CILP: variants seen among roughly 807,000 people sequenced by gnomAD.
The protein encoded by CILP is cartilage intermediate layer protein.
CILP carries 75 observed loss-of-function variants against 82.5 expected under a neutral mutation model. That is an observed-to-expected ratio of 0.91 (90% CI 0.75 to 1.10). The LOEUF (loss-of-function observed/expected upper bound fraction) is 1.10. Among genes scored for constraint, CILP ranks in the 50% least tolerant of loss-of-function variants. The probability of loss-of-function intolerance (pLI) is 0.00; values close to 1 mark genes in which losing one functional copy is unlikely to be tolerated. For missense variants in CILP, 1,479 were observed against 1,530.8 expected (o/e 0.97, Z 0.56); for synonymous variants, 530 against 580.3 (o/e 0.91, Z 1.25).
At position 65,196,383 on chromosome 15, in the gene CILP, A is replaced by G; in HGVS notation, c.*348T>C. On this transcript the variant is annotated 3_prime_UTR_variant, in exon 9 of 9. Coordinates refer to ENST00000261883, the MANE Select transcript of CILP (RefSeq NM_003613.4). ...TTATATTGGTTATTTGATCTTCAGCATCAGATTATCACTATTGCAGAGGTG... is the reference window on the plus strand; with the variant it reads ...TTATATTGGTTATTTGATCTTCAGCGTCAGATTATCACTATTGCAGAGGTG... 4.9e-6 allele frequency: 1 copy of G among 205,080 alleles called. No individual in the cohort carries two copies. The highest frequency in any genetic ancestry group is 9.7e-6 in the Non-Finnish European group (1 of 103,370). The allele number at this position is 205,080 out of a possible 1,614,324, so 12.7% of individuals were successfully genotyped here. A position where few individuals can be genotyped will look rare whatever the true frequency, so the allele number is the denominator to read the frequency against.
At position 65,209,782 on chromosome 15, in the gene CILP, G is replaced by C. The variant is rs202184018; in HGVS notation, c.-27C>G. The C allele has an allele frequency of 1.9e-6, 3 of 1,612,230 alleles. No individual in the cohort carries two copies. Among genetic ancestry groups the C allele is most frequent in the East Asian group, 4.5e-5 (2 of 44,856 alleles). On this transcript the variant is annotated 5_prime_UTR_variant, in exon 2 of 9. Transcript: ENST00000261883. ...TTTCCCCCAAGCCCGTGGGAACGTGGCAAGAGGTAGATGTGGGTGCTTCAC... is the reference window on the plus strand; with the variant it reads ...TTTCCCCCAAGCCCGTGGGAACGTGCCAAGAGGTAGATGTGGGTGCTTCAC...
intron 2 of CILP, among the ~76,000 whole-genome samples, chr15:65,208,693 G>A (rs899039641): frequency 5.3e-5 from 8 of 152,192 alleles, no homozygotes; most frequent in African/African-American, 1.9e-4. Flanking sequence ...CTGGGTTGGG[G>A]TCTCCAGAAT....
rs1333093143 is a variant in CILP, at chr15:65,209,727, G to A, written c.29C>T (p.Ser10Phe). 3 of 1,614,036 alleles carry A rather than the reference G, an allele frequency of 1.9e-6. No homozygotes were observed. The highest frequency in any genetic ancestry group is 2.5e-6 in the Non-Finnish European group (3 of 1,179,978). Reference sequence around the variant, plus strand: ...AGATGTGACTTCCAGGACCAGGAAGGAGAACACCCAGGCCTTGGTCCCCAC... The same window carrying A: ...AGATGTGACTTCCAGGACCAGGAAGAAGAACACCCAGGCCTTGGTCCCCAC... MVGTKAWVF[S>F]FLVLEVTSVL... Residue 10 changes from serine to phenylalanine, a missense_variant, in exon 2 of 9, where the codon TCC (serine) becomes TTC (phenylalanine). Ser to Phe is a radical substitution (Grantham distance 155, BLOSUM62 -2). Transcript: ENST00000261883.
At chr15:65,204,773 C>A (rs561639023) in intron 5 of CILP, among the ~76,000 whole-genome samples, 191 bp from the exon 6 acceptor site, 44 of 152,324 alleles carry the variant, frequency 2.9e-4, no homozygotes, top group African/African-American at 1.1e-3. Context: ...AATCCCAGGA[C>A]TTTGGGAGGC....
Position 65,201,992 on chromosome 15 carries a change from T to C in CILP, c.1066A>G (p.Lys356Glu). 3 of 1,601,346 alleles carry C rather than the reference T, an allele frequency of 1.9e-6. No individual in the cohort carries two copies. Among genetic ancestry groups the C allele is most frequent in the Non-Finnish European group, 2.6e-6 (3 of 1,174,602 alleles). The change falls in exon 8 of 9, where the codon AAG becomes GAG. Residue 356 changes from lysine (K) to glutamate (E), a missense_variant. Lys to Glu is a moderately conservative substitution (Grantham distance 56). Coordinates refer to ENST00000261883, the MANE Select transcript of CILP (RefSeq NM_003613.4). ...NDTLLDPSLYKHESKLVLRKL... is the reference protein window; with the variant it reads ...NDTLLDPSLYEHESKLVLRKL... The stretch of plus-strand genomic sequence containing the variant: ...CTCAGCACCAGCTTGCTCTCATGCT[T>C]GTAGAGGGAAGGATCCAGCAATGTG...
At position 65,196,964 on chromosome 15, in the gene CILP, T is replaced by C. The variant is rs1253856578; in HGVS notation, c.3322A>G (p.Lys1108Glu). Residue 1108 changes from lysine to glutamate, a missense_variant, in exon 9 of 9, where the codon AAG becomes GAG. Coordinates refer to ENST00000261883, the MANE Select transcript of CILP (RefSeq NM_003613.4). ...GTGAGGGCTACTCCCACATTGCTCT[T>C]CATGATTCTGGAGGAGCCATCGGAT... ...GTSDGSSRIM[K>E]SNVGVALTFN... 6.2e-7 allele frequency: 1 copy of C among 1,614,034 alleles called. No individual in the cohort carries two copies. Among genetic ancestry groups the C allele is most frequent in the South Asian group, 1.1e-5 (1 of 91,050 alleles).
Position 65,197,509 on chromosome 15 carries a change from G to C in CILP, c.2777C>G (p.Thr926Arg). Residue 926 changes from threonine to arginine, a missense_variant, in exon 9 of 9, where the codon ACA (threonine) becomes AGA (arginine). Physicochemically the swap from Thr to Arg is moderately conservative, Grantham distance 71. Transcript: ENST00000261883. ...AGGGTCATCTTCGTTGAAGGGGACT[G>C]TGTTGTAGTCATATCGATCCCCCTC... ...QIEGDRYDYN[T>R]VPFNEDDPMS... 1 of 1,614,244 alleles carries C rather than the reference G, an allele frequency of 6.2e-7. No homozygotes were observed. Among genetic ancestry groups the C allele is most frequent in the South Asian group, 1.1e-5 (1 of 91,082 alleles).
At chr15:65,207,582 C>A (rs2088532123) in intron 3 of CILP, 90 bp downstream of exon 3, 2 of 1,173,632 alleles carry the variant, frequency 1.7e-6, no homozygotes, top group Non-Finnish European at 1.3e-6. Context: ...TCCATGGGAC[C>A]CTGACATCAT....
In CILP at chr15:65,204,563, T is replaced by C; in HGVS notation, c.624A>G (p.Pro208=). 1 of 1,607,448 alleles carries C rather than the reference T, an allele frequency of 6.2e-7. No individual in the cohort carries two copies. The highest frequency in any genetic ancestry group is 8.5e-7 in the Non-Finnish European group (1 of 1,178,414). ...CACAGTCAGCATTCACCTGGCCCAT[T>C]GGGCAGGTCAGGTCACAGGCTGTGG... ...QDCTACDLTC[P]MGQVNADCDA... The change falls in exon 6 of 9, where the codon CCA becomes CCG. Residue 208 remains proline (P), a synonymous_variant. Coordinates refer to ENST00000261883, the MANE Select transcript of CILP (RefSeq NM_003613.4).
chr15:65,205,445 T>C lies in CILP; in HGVS notation c.446A>G (p.Glu149Gly). Residue 149 changes from glutamate to glycine, a missense_variant, in exon 5 of 9, where the codon GAG (glutamate) becomes GGG (glycine). Glu to Gly is a moderately conservative substitution (Grantham distance 98, BLOSUM62 -2). Transcript: ENST00000261883. ...GGGAGACCATGGGCTCCAGATGCGC[T>C]CTGTGTCTCGGCGCAGGGATCCTGC... is the stretch of plus-strand genomic sequence containing the variant. ...CPPGSLRRDT[E>G]RIWSPWSPWS... 1 of 1,610,860 alleles carries C rather than the reference T, an allele frequency of 6.2e-7. No individual in the cohort carries two copies. Among genetic ancestry groups the C allele is most frequent in the Non-Finnish European group, 8.5e-7 (1 of 1,177,438 alleles).
intron 2 of CILP, among the ~76,000 whole-genome samples, chr15:65,208,631 TGGGTACA>T (rs2088547177): frequency 6.6e-6 from 1 of 152,254 alleles, no homozygotes; most frequent in East Asian, 1.9e-4. Flanking sequence ...TGCCTGAGGA[TGGGTACA>T]GGGTCCTCGG....
chr15:65,194,903 G>A lies in CILP; in HGVS notation c.*1828C>T, dbSNP rs2140667452. 7.9e-6 allele frequency: 1 copy of A among 127,244 alleles called. No individual in the cohort carries two copies. The highest frequency in any genetic ancestry group is 2.3e-4 in the East Asian group (1 of 4,402). The allele number at this position is 127,244 out of a possible 1,614,324, so 7.9% of individuals were successfully genotyped here. A position where few individuals can be genotyped will look rare whatever the true frequency, so the allele number is the denominator to read the frequency against. The stretch of plus-strand genomic sequence containing the variant: ...TCCCCCCGTGAGTTTGAAGTGAACT[G>A]GTGGTCAGGTTGAAGCAGCAGGCAC... On this transcript the variant is annotated 3_prime_UTR_variant, in exon 9 of 9. Transcript: ENST00000261883.
In CILP at chr15:65,201,927, C is replaced by T; in HGVS notation, c.1131G>A (p.Lys377=). 6.2e-7 allele frequency: 1 copy of T among 1,609,500 alleles called. No individual in the cohort carries two copies. Among genetic ancestry groups the T allele is most frequent in the Admixed American group, 1.7e-5 (1 of 59,406 alleles). ...TCACAGCCCCAGCATCACTCTGGGC[C>T]TTGCAAAAGTACTCCCCAGCCTGGT... is the stretch of plus-strand genomic sequence containing the variant. ...QQHQAGEYFC[K]AQSDAGAVKS... Residue 377 remains lysine, a synonymous_variant, in exon 8 of 9, where the codon AAG becomes AAA. Transcript: ENST00000261883.
Position 65,197,898 on chromosome 15 carries a change from A to T in CILP, c.2388T>A (p.Phe796Leu). ...CGTTGGGGCCTGTGATGACACTGTCAAAGCGGCCCCAGGCCCTAGGGTTGG... is the reference window on the plus strand; with the variant it reads ...CGTTGGGGCCTGTGATGACACTGTCTAAGCGGCCCCAGGCCCTAGGGTTGG... ...FLSNPRAWGR[F>L]DSVITGPNGA... is the part of the protein sequence containing the mutation. The change falls in exon 9 of 9, where the codon TTT (phenylalanine) becomes TTA (leucine). Residue 796 changes from phenylalanine (F) to leucine (L), a missense_variant. Physicochemically the swap from Phe to Leu is conservative, Grantham distance 22 (BLOSUM62 0). Transcript: ENST00000261883. The T allele has an allele frequency of 6.2e-7, 1 of 1,614,042 alleles. No homozygotes were observed. Among genetic ancestry groups the T allele is most frequent in the South Asian group, 1.1e-5 (1 of 91,058 alleles).
chr15:65,198,439 TA>T lies in CILP; in HGVS notation c.1846del (p.Tyr616ThrfsTer2). 6.2e-7 allele frequency: 1 copy of T among 1,614,272 alleles called. No individual in the cohort carries two copies. The highest frequency in any genetic ancestry group is 8.5e-7 in the Non-Finnish European group (1 of 1,180,038). ...RSFYRQNGEP[Y>X]IGKVKASVTF... ...CACACTGGCCTTCACTTTTCCTATG[TA>T]GGGCTCCCCATTCTGCCTGTAGAAA... On this transcript the variant is annotated frameshift_variant, in exon 9 of 9. Coordinates refer to ENST00000261883, the MANE Select transcript of CILP (RefSeq NM_003613.4). LOFTEE classifies it high-confidence loss of function.
At chr15:65,207,270 T>C (rs2088528319) in intron 3 of CILP, among the ~76,000 whole-genome samples, 1 of 152,144 alleles carries the variant, frequency 6.6e-6, no homozygotes, top group Non-Finnish European at 1.5e-5. Context: ...AGGCTCCTCC[T>C]CAATGCCACT....
chr15:65,207,072 GCGGAGGAGC>G, intron 3 of CILP, 21 bp from the exon 4 acceptor site: 1 of 1,601,342 alleles, frequency 6.2e-7, no homozygotes, highest in South Asian at 1.1e-5. Context: ...TAGCCAAATT[GCGGAGGAGC>G]CGTGATCCTG....
chr15:65,200,452 G>GTGTTT lies in CILP; in HGVS notation c.1187-1354_1187-1353insAAACA, dbSNP rs1406995538. On this transcript the variant is annotated intron_variant, in intron 8 of 8. Coordinates refer to ENST00000261883, the MANE Select transcript of CILP (RefSeq NM_003613.4). Reference sequence around the variant, plus strand: ...CTTCCAATACATTCTGTCCTTCTCTGCGTTTTGTTTTGTTTAGGCCAATTA... The same window carrying GTGTTT: ...CTTCCAATACATTCTGTCCTTCTCTGTGTTTCGTTTTGTTTTGTTTAGGCCAATTA... Among the ~76,000 whole-genome samples the GTGTTT allele has an allele frequency of 1.0e-3, 11 of 10,986 alleles. No individual in the cohort carries two copies. In the South Asian group the frequency reaches 0.067, roughly 67 times the overall value. The allele number at this position is 10,986 out of a possible 152,430, so 7.2% of individuals were successfully genotyped here. A position where few individuals can be genotyped will look rare whatever the true frequency, so the allele number is the denominator to read the frequency against.
At position 65,201,896 on chromosome 15, in the gene CILP, T is replaced by C. The variant is rs1385080197; in HGVS notation, c.1162A>G (p.Lys388Glu). The C allele has an allele frequency of 1.3e-6, 2 of 1,577,086 alleles. No homozygotes were observed. The highest frequency in any genetic ancestry group is 8.6e-7 in the Non-Finnish European group (1 of 1,162,998). Residue 388 changes from lysine (K) to glutamate (E), a missense_variant, in exon 8 of 9, where the codon AAG (lysine) becomes GAG (glutamate). Transcript: ENST00000261883. The stretch of plus-strand genomic sequence containing the variant: ...CCTATGACAATCAGCTGGGCAACCT[T>C]GGACTTCACAGCCCCAGCATCACTC... Reference protein sequence around the residue: ...AQSDAGAVKSKVAQLIVIASD... With the variant: ...AQSDAGAVKSEVAQLIVIASD...
Sources: gnomAD v4.1 joint callset for allele counts (sites outside exome capture counted in the v4.1 genomes callset) on GRCh38, gnomAD v4.1.1 for gene constraint, MANE v1.5 for transcripts, NCBI Gene and HGNC (gene_info 2026-07-23, HGNC 2026-07-21) for gene names.